Variants in SATB2 observed in about 807,000 individuals in gnomAD.
SATB2 encodes SATB homeobox 2, also known as DNA-binding protein SATB2.
In SATB2, 1 loss-of-function variant was observed where a neutral mutation model predicts 73.4. The ratio of observed to expected loss-of-function variants is 0.01; its 90% CI spans 0.00 to 0.06. SATB2 has a LOEUF of 0.06. Among genes scored for constraint, SATB2 ranks in the 10% least tolerant of loss-of-function variants. The probability of loss-of-function intolerance (pLI) is 1.00; values close to 1 mark genes in which losing one functional copy is unlikely to be tolerated. For synonymous variants in SATB2, 397 were observed against 367.0 expected, an observed-to-expected ratio of 1.08 and a Z score of -0.93; for missense variants, 459 against 945.8, an observed-to-expected ratio of 0.49 and a Z score of 6.75.
chr2:199,444,851 C>T (rs1007353441), intron 2 of SATB2, among the ~76,000 whole-genome samples: 2 of 152,106 alleles, frequency 1.3e-5, no homozygotes, highest in African/African-American at 4.8e-5. Context: ...ATTTTGTTAA[C>T]ACAAATAGGA....
chr2:199,461,925 G>A (rs558082233), upstream of SATB2, among the ~76,000 whole-genome samples: 162 of 152,274 alleles, frequency 1.1e-3, 2 homozygotes, highest in Middle Eastern at 6.8e-3. Context: ...TTTCGACCCT[G>A]GTCAACCTTC....
At chr2:199,442,103 T>C (rs1317380768) in intron 2 of SATB2, among the ~76,000 whole-genome samples, 2 of 152,144 alleles carry the variant, frequency 1.3e-5, no homozygotes, top group African/African-American at 4.8e-5. Flanking sequence ...GCCTGACCTA[T>C]ATAGTAGGCC....
chr2:199,391,448 A>C (rs1690136552), intron 3 of SATB2, among the ~76,000 whole-genome samples: 1 of 150,056 alleles, frequency 6.7e-6, no homozygotes, highest in South Asian at 2.1e-4. Context: ...AAAAAAAAAA[A>C]AAAACAAAAA....
At chr2:199,303,936 T>C (rs1017523010) in intron 10 of SATB2, among the ~76,000 whole-genome samples, 1 of 152,060 alleles carries the variant, frequency 6.6e-6, no homozygotes, top group Non-Finnish European at 1.5e-5. Context: ...AAATAACCCA[T>C]GGAAACAGTG....
In SATB2 at chr2:199,454,193, T is replaced by C. The variant is rs548556846; in HGVS notation, c.169+1676A>G. Among the ~76,000 whole-genome samples the C allele has an allele frequency of 5.3e-5, 8 of 152,188 alleles. No homozygotes were observed. The South Asian group carries it at 1.4e-3, about 28-fold the overall frequency. ...ATAGAGGAGGGGAAAAAACTTGTTT[T>C]AGGGAAGCACGTTGTTAACAATTAC... On this transcript the variant is annotated intron_variant, in intron 2 of 10. Coordinates refer to ENST00000417098, the MANE Select transcript of SATB2 (RefSeq NM_001172509.2).
At chr2:199,425,252 C>A (rs1326644417) in intron 3 of SATB2, among the ~76,000 whole-genome samples, 1 of 152,204 alleles carries the variant, frequency 6.6e-6, no homozygotes, top group Non-Finnish European at 1.5e-5. Context: ...TAACCTGGAT[C>A]ATTTTACGTG....
chr2:199,391,470 G>A (rs750716951), intron 3 of SATB2, among the ~76,000 whole-genome samples: 2 of 150,000 alleles, frequency 1.3e-5, no homozygotes, highest in South Asian at 2.1e-4. Context: ...CAAAAAACGA[G>A]TATTTTAATA....
intron 10 of SATB2, among the ~76,000 whole-genome samples, chr2:199,301,095 T>C (rs1687276175): frequency 6.6e-6 from 1 of 152,034 alleles, no homozygotes; most frequent in African/African-American, 2.4e-5. Context: ...ACTATAAAAA[T>C]TTATGTTTAA....
chr2:199,398,495 A>G (rs1690371149), intron 3 of SATB2, among the ~76,000 whole-genome samples: 1 of 152,180 alleles, frequency 6.6e-6, no homozygotes, highest in African/African-American at 2.4e-5. Context: ...GGTGGAGAAT[A>G]GCTCTAGGGG....
intron 3 of SATB2, among the ~76,000 whole-genome samples, chr2:199,409,934 G>C (rs1199525193): frequency 6.6e-6 from 1 of 152,140 alleles, no homozygotes; most frequent in African/African-American, 2.4e-5. Context: ...AAAGAATGAG[G>C]AAGGGAGGAA....
At chr2:199,334,835 A>G (rs1168636624) in intron 7 of SATB2, among the ~76,000 whole-genome samples, 3 of 152,250 alleles carry the variant, frequency 2.0e-5, no homozygotes, top group South Asian at 4.1e-4. Flanking sequence ...GTATCCTACT[A>G]CCTGAAAGCT....
chr2:199,302,157 T>A (rs1421953521), intron 10 of SATB2, among the ~76,000 whole-genome samples: 1 of 152,204 alleles, frequency 6.6e-6, no homozygotes, highest in Non-Finnish European at 1.5e-5. Flanking sequence ...TTAGAGTTTT[T>A]AAAAATCTCT....
intron 3 of SATB2, among the ~76,000 whole-genome samples, chr2:199,426,999 G>A (rs1434150259): frequency 7.9e-5 from 12 of 151,906 alleles, no homozygotes; most frequent in South Asian, 4.2e-4. Flanking sequence ...TCAGCCTCCC[G>A]CATAGCTGGA....
At chr2:199,313,366 T>C (rs777813897) in intron 9 of SATB2, among the ~76,000 whole-genome samples, 6 of 152,200 alleles carry the variant, frequency 3.9e-5, no homozygotes, top group African/African-American at 7.2e-5. Flanking sequence ...ATTAAAACTT[T>C]ACCTTCAAAA....
chr2:199,428,372 T>C (rs1159681708), intron 3 of SATB2, among the ~76,000 whole-genome samples: 1 of 152,310 alleles, frequency 6.6e-6, no homozygotes, highest in South Asian at 2.1e-4. Flanking sequence ...ATCAAATATA[T>C]ATAATCAGCA....
chr2:199,362,224 G>C (rs948898823), intron 6 of SATB2, among the ~76,000 whole-genome samples: 3 of 152,120 alleles, frequency 2.0e-5, no homozygotes, highest in African/African-American at 7.2e-5. Context: ...AACATGCAAT[G>C]CTCTTTCGTA....
At chr2:199,426,447 C>T (rs1463270233) in intron 3 of SATB2, among the ~76,000 whole-genome samples, 2 of 151,930 alleles carry the variant, frequency 1.3e-5, no homozygotes, top group South Asian at 4.1e-4. Context: ...CGCCACTGTG[C>T]CTGGCTAATT....
At chr2:199,301,290 GAATCTCTC>G (rs1183911833) in intron 10 of SATB2, among the ~76,000 whole-genome samples, 3 of 152,034 alleles carry the variant, frequency 2.0e-5, no homozygotes, top group Non-Finnish European at 4.4e-5. Flanking sequence ...GAAGTCATAT[GAATCTCTC>G]TTGATAATGA....
chr2:199,467,821 C>A (rs1360880701), upstream of SATB2, among the ~76,000 whole-genome samples: 2 of 152,158 alleles, frequency 1.3e-5, no homozygotes, highest in African/African-American at 2.4e-5. Flanking sequence ...TCAGTGACTG[C>A]AGCTTATGCC....
Sources: gnomAD v4.1 joint callset for allele counts (sites outside exome capture counted in the v4.1 genomes callset) on GRCh38, gnomAD v4.1.1 for gene constraint, MANE v1.5 for transcripts, NCBI Gene and HGNC (gene_info 2026-07-23, HGNC 2026-07-21) for gene names.